Variants in ANK2 observed in about 807,000 individuals in gnomAD.
ANK2 encodes ankyrin-2.
Under a neutral mutation model 360.5 loss-of-function variants are expected in ANK2, and 83 were observed. The ratio of observed to expected loss-of-function variants is 0.23; its 90% CI spans 0.19 to 0.28. ANK2 has a LOEUF of 0.28. ANK2 is among the 10% of genes least tolerant of loss of function. ANK2 has a pLI of 1.00. For synonymous variants in ANK2, 1,740 were observed against 1,759.5 expected (o/e 0.99, Z 0.28); for missense variants, 4,201 against 4,795.7 (o/e 0.88, Z 3.66).
intron 1 of ANK2, among the ~76,000 whole-genome samples, chr4:113,085,596 C>T (rs1019192552): frequency 1.6e-4 from 25 of 152,168 alleles, no homozygotes; most frequent in South Asian, 6.2e-4. Context: ...CGTGAGCCAC[C>T]GCGCCCGGCC....
intron 1 of ANK2, among the ~76,000 whole-genome samples, chr4:113,159,742 G>A (rs940241991): frequency 3.3e-5 from 5 of 151,336 alleles, no homozygotes; most frequent in South Asian, 2.1e-4. Context: ...TGAGTAGCTG[G>A]GATTATAGGC....
rs567713285 is a variant in ANK2 at position 113,312,279 on chromosome 4, G to GA, written c.2693+893dup. ...TAGCAAGACACTGTCTCTTGAGACA[G>GA]AAAAAAAAAAAAAGAAAAGAAAAGA... On this transcript the variant is annotated intron_variant, in intron 24 of 45. Coordinates refer to ENST00000357077, the MANE Select transcript of ANK2 (RefSeq NM_001148.6). 5.6e-3 allele frequency among the ~76,000 whole-genome samples: 667 copies of GA among 119,566 alleles called. 3 individuals carry two copies. Among genetic ancestry groups the GA allele is most frequent in the East Asian group, 0.037 (161 of 4,404 alleles). 78.4% of individuals were successfully genotyped at this position (119,566 alleles called of 152,430 possible).
In ANK2 at chr4:112,949,105, G is replaced by A. The variant is rs144542789; in HGVS notation, c.21+44591G>A. 3.6e-3 allele frequency among the ~76,000 whole-genome samples: 548 copies of A among 152,218 alleles called. 3 individuals are homozygous for A. The highest frequency in any genetic ancestry group is 0.011 in the African/African-American group (445 of 41,544). On this transcript the variant is annotated intron_variant, in intron 2 of 30. Transcript: ENST00000503271. ...TGTTGGGGTCCTTTTGCACCAGCAGGCAGCAGTGTTCTTGGGCTGTGCCTG... is the reference window on the plus strand; with the variant it reads ...TGTTGGGGTCCTTTTGCACCAGCAGACAGCAGTGTTCTTGGGCTGTGCCTG...
chr4:113,211,145 T>C (rs2099016612), intron 4 of ANK2, among the ~76,000 whole-genome samples: 1 of 152,196 alleles, frequency 6.6e-6, no homozygotes, highest in African/African-American at 2.4e-5. Flanking sequence ...TGTATCAAGA[T>C]AGTCAGATCA....
At chr4:113,042,525 G>T (rs746672296) in intron 2 of ANK2, among the ~76,000 whole-genome samples, 1 of 152,110 alleles carries the variant, frequency 6.6e-6, no homozygotes, top group African/African-American at 2.4e-5. Context: ...TCACATTGGG[G>T]GTTTGAATTT....
chr4:113,359,765 G>C (rs1465155295), intron 38 of ANK2, among the ~76,000 whole-genome samples: 1 of 152,166 alleles, frequency 6.6e-6, no homozygotes, highest in Non-Finnish European at 1.5e-5. Flanking sequence ...ATTTGCTTGA[G>C]AAGATTTCAC....
the ANK2 span, among the ~76,000 whole-genome samples, chr4:112,803,627 C>T: frequency 1.3e-5 from 2 of 152,080 alleles, no homozygotes; most frequent in Non-Finnish European, 2.9e-5. Context: ...AGAATTTCTA[C>T]GTGCAGAATT....
chr4:112,706,359 AC>A, the ANK2 span, among the ~76,000 whole-genome samples: 1 of 152,074 alleles, frequency 6.6e-6, no homozygotes, highest in East Asian at 1.9e-4. Context: ...CCGGCCCAGG[AC>A]CATTCTCTAA....
intron 10 of ANK2, among the ~76,000 whole-genome samples, chr4:113,254,047 G>A (rs1007189554): frequency 6.6e-6 from 1 of 152,056 alleles, no homozygotes; most frequent in Non-Finnish European, 1.5e-5. Context: ...TAAGCCTCAG[G>A]TGTTTTTCCC....
At chr4:113,096,587 CTT>C (rs2091124910) in intron 1 of ANK2, among the ~76,000 whole-genome samples, 2 of 152,134 alleles carry the variant, frequency 1.3e-5, no homozygotes, top group Admixed American at 1.3e-4. Context: ...GCAAATAACT[CTT>C]TTTAAAAAAA....
At chr4:113,342,868 C>A in intron 33 of ANK2, 149 bp from the exon 34 acceptor site, 1 of 967,670 alleles carries the variant, frequency 1.0e-6, no homozygotes, top group Non-Finnish European at 1.6e-6. Context: ...TGCTGTGTCA[C>A]AGATAGACAG....
At chr4:113,124,168 T>G (rs1386892040) in intron 1 of ANK2, among the ~76,000 whole-genome samples, 4 of 152,310 alleles carry the variant, frequency 2.6e-5, no homozygotes, top group Admixed American at 6.5e-5. Context: ...AATTTAAAAT[T>G]ATGTCTTAAA....
chr4:112,894,635 C>G (rs1194921458), intron 1 of ANK2, among the ~76,000 whole-genome samples: 2 of 152,120 alleles, frequency 1.3e-5, no homozygotes, highest in Non-Finnish European at 2.9e-5. Context: ...CGGTAAAATG[C>G]AAATACTCGA....
At chr4:113,052,989 A>G (rs1463445897) in intron 1 of ANK2, among the ~76,000 whole-genome samples, 18 of 152,226 alleles carry the variant, frequency 1.2e-4, no homozygotes. Flanking sequence ...GTAAGGAGGC[A>G]GTAATCTCAT....
chr4:112,721,199 G>A, the ANK2 span, among the ~76,000 whole-genome samples: 1 of 152,100 alleles, frequency 6.6e-6, no homozygotes, highest in Non-Finnish European at 1.5e-5. Context: ...TTGCTATTGT[G>A]ATGAAGATAA....
intron 1 of ANK2, among the ~76,000 whole-genome samples, chr4:113,097,143 ACT>A (rs201542174): frequency 5.2e-5 from 6 of 115,820 alleles, no homozygotes; most frequent in African/African-American, 1.1e-4. Context: ...AGTCACTCAT[ACT>A]CTCTCTCTCT....
At chr4:113,344,031 C>T (rs1185108406) in intron 34 of ANK2, among the ~76,000 whole-genome samples, 1 of 152,134 alleles carries the variant, frequency 6.6e-6, no homozygotes, top group African/African-American at 2.4e-5. Context: ...TCCAAGATCT[C>T]TGCTGAGTCT....
intron 2 of ANK2, among the ~76,000 whole-genome samples, chr4:112,958,621 G>A (rs568223036): frequency 2.0e-5 from 3 of 147,976 alleles, no homozygotes; most frequent in Admixed American, 6.7e-5. Context: ...GAGAGGGAGA[G>A]GGGGGAGAGG....
intron 1 of ANK2, among the ~76,000 whole-genome samples, chr4:112,834,922 G>A (rs1242322520): frequency 6.6e-6 from 1 of 152,178 alleles, no homozygotes; most frequent in Non-Finnish European, 1.5e-5. Flanking sequence ...TTTCCTCCAG[G>A]TGTGGTTCAA....
Sources: gnomAD v4.1 joint callset for allele counts (sites outside exome capture counted in the v4.1 genomes callset) on GRCh38, gnomAD v4.1.1 for gene constraint, MANE v1.5 for transcripts, NCBI Gene and HGNC (gene_info 2026-07-23, HGNC 2026-07-21) for gene names.